Variants in GAN observed in about 807,000 individuals in gnomAD.
The protein encoded by GAN is epididymis secretory sperm binding protein.
GAN carries 48 observed loss-of-function variants against 71.3 expected under a neutral mutation model. The observed-to-expected ratio is 0.67, with a 90% CI of 0.53 to 0.86. The LOEUF (loss-of-function observed/expected upper bound fraction) is 0.86. GAN is among the 40% of genes least tolerant of loss of function. The pLI, the probability that GAN is intolerant of heterozygous loss-of-function variation, is 0.00. For missense variants in GAN, 928 were observed against 770.1 expected, an observed-to-expected ratio of 1.21 and a Z score of -2.43; for synonymous variants, 386 against 276.8, an observed-to-expected ratio of 1.39 and a Z score of -3.92.
chr16:81,370,318 A>AAG (rs1910999122), intron 9 of GAN, among the ~76,000 whole-genome samples: 1 of 152,168 alleles, frequency 6.6e-6, no homozygotes, highest in South Asian at 2.1e-4. Flanking sequence ...TAGAGGATAA[A>AAG]AGATGAACCC....
At chr16:81,358,943 T>A (rs1323379594) in intron 5 of GAN, among the ~76,000 whole-genome samples, 1 of 152,234 alleles carries the variant, frequency 6.6e-6, no homozygotes, top group Admixed American at 6.5e-5. Flanking sequence ...CTTTAAAATT[T>A]TATTTTTTAT....
intron 9 of GAN, 57 bp from the exon 10 acceptor site, chr16:81,377,162 A>G (rs1469995280): frequency 9.9e-7 from 1 of 1,013,384 alleles, no homozygotes; most frequent in African/African-American, 1.6e-5. Context: ...CAGTCTTCCT[A>G]GATGTTGTTG....
At chr16:81,346,182 A>G (rs528520912) in intron 1 of GAN, among the ~76,000 whole-genome samples, 2 of 152,372 alleles carry the variant, frequency 1.3e-5, no homozygotes, top group African/African-American at 4.8e-5. Flanking sequence ...AGAAAATTTA[A>G]TATAAAGAAT....
rs1274598164 is a variant in GAN, at chr16:81,379,735, A to G, written c.*2139A>G. Reference sequence around the variant, plus strand: ...GGGGAACATTAAAACAGTAACTGACATCCAGTTAAAGCCACGATCGTCAGC... The same window carrying G: ...GGGGAACATTAAAACAGTAACTGACGTCCAGTTAAAGCCACGATCGTCAGC... On this transcript the variant is annotated 3_prime_UTR_variant, in exon 11 of 11. Transcript: ENST00000648994. The G allele has an allele frequency of 1.3e-5, 2 of 152,226 alleles. No homozygotes were observed. The highest frequency in any genetic ancestry group is 6.5e-5 in the Admixed American group (1 of 15,284). The allele number at this position is 152,226 out of a possible 1,614,324, so 9.4% of individuals were successfully genotyped here.
chr16:81,354,407 C>T lies in GAN; in HGVS notation c.285C>T (p.Ile95=), dbSNP rs751690125. The stretch of plus-strand genomic sequence containing the variant: ...AGATAATTATGCTACTTTTTTAGAT[C>T]AGGCTAAATGAAGATACAATCCAAG... ...EILDYIFSGQ[I]RLNEDTIQDV... Residue 95 remains isoleucine (I), a splice_region_variant and synonymous_variant, in exon 3 of 11, where the codon ATC becomes ATT. Transcript: ENST00000648994. 1.9e-6 allele frequency: 3 copies of T among 1,597,288 alleles called. No homozygotes were observed. Among genetic ancestry groups the T allele is most frequent in the African/African-American group, 1.3e-5 (1 of 74,698 alleles).
chr16:81,343,141 C>G (rs1449298777), intron 1 of GAN, among the ~76,000 whole-genome samples: 1 of 152,032 alleles, frequency 6.6e-6, no homozygotes, highest in Non-Finnish European at 1.5e-5. Flanking sequence ...AATTAATAGC[C>G]TACCAACCAA....
intron 9 of GAN, among the ~76,000 whole-genome samples, chr16:81,376,505 G>GTGTGTA (rs1464078639): frequency 7.3e-6 from 1 of 137,914 alleles, no homozygotes; most frequent in African/African-American, 3.0e-5. Context: ...GTGTGTGTGT[G>GTGTGTA]TGTGTATGTG....
At chr16:81,331,172 T>C (rs1447119328) in intron 1 of GAN, among the ~76,000 whole-genome samples, 1 of 152,188 alleles carries the variant, frequency 6.6e-6, no homozygotes, top group Non-Finnish European at 1.5e-5. Context: ...ACCACTGCGC[T>C]CTACCCTGGG....
intron 9 of GAN, among the ~76,000 whole-genome samples, chr16:81,376,656 ATATATG>A (rs1904282189): frequency 1.3e-5 from 2 of 150,606 alleles, no homozygotes; most frequent in Non-Finnish European, 2.9e-5. Flanking sequence ...ATATGTGTGT[ATATATG>A]TGTGTATATA....
intron 5 of GAN, 81 bp downstream of exon 5, chr16:81,358,012 C>G (rs1344654965): frequency 4.2e-6 from 5 of 1,182,552 alleles, no homozygotes; most frequent in African/African-American, 1.5e-5. Flanking sequence ...GACTCAGAGC[C>G]TTTTAAAGAT....
Position 81,354,657 on chromosome 16 carries a change from A to G in GAN, c.535A>G (p.Lys179Glu). ...CTTAGAGCTGAGTCCTCAAAAGCTT[A>G]AAGAAGTGATTTCTCTTGAGAAGTT... ...EFLELSPQKL[K>E]EVISLEKLNV... Residue 179 changes from lysine (K) to glutamate (E), a missense_variant, in exon 3 of 11, where the codon AAA becomes GAA. Coordinates refer to ENST00000648994, the MANE Select transcript of GAN (RefSeq NM_022041.4). The G allele has an allele frequency of 6.2e-7, 1 of 1,613,608 alleles. No homozygotes were observed. Among genetic ancestry groups the G allele is most frequent in the Non-Finnish European group, 8.5e-7 (1 of 1,179,450 alleles).
rs1176139353 is a variant in GAN, at chr16:81,380,860, T to G, written c.*3264T>G. 6.6e-6 allele frequency: 1 copy of G among 152,256 alleles called. No individual in the cohort carries two copies. The highest frequency in any genetic ancestry group is 1.5e-5 in the Non-Finnish European group (1 of 68,040). The allele number at this position is 152,256 out of a possible 1,614,324, so 9.4% of individuals were successfully genotyped here. On this transcript the variant is annotated 3_prime_UTR_variant, in exon 11 of 11. Transcript: ENST00000648994. Reference sequence around the variant, plus strand: ...GTCAGGATTTGGCCTAAGAAATTTCTGAATGCATTGTTTAGCTTAGTACTT... The same window carrying G: ...GTCAGGATTTGGCCTAAGAAATTTCGGAATGCATTGTTTAGCTTAGTACTT...
Position 81,366,658 on chromosome 16 carries a change from A to G in GAN, c.1502+1180A>G, listed in dbSNP as rs181729672. 1.8e-3 allele frequency among the ~76,000 whole-genome samples: 276 copies of G among 152,282 alleles called. 1 individual carries two copies. Among genetic ancestry groups the G allele is most frequent in the African/African-American group, 6.4e-3 (267 of 41,560 alleles). Reference sequence around the variant, plus strand: ...TGTATTTTAAATTTAGGGTATTTGCATAGCCTTTTTTTTCAATTACAGGAA... The same window carrying G: ...TGTATTTTAAATTTAGGGTATTTGCGTAGCCTTTTTTTTCAATTACAGGAA... On this transcript the variant is annotated intron_variant, in intron 9 of 10. Transcript: ENST00000648994.
chr16:81,372,691 G>T (rs1007083030), intron 9 of GAN, among the ~76,000 whole-genome samples: 2 of 152,198 alleles, frequency 1.3e-5, no homozygotes, highest in African/African-American at 2.4e-5. Context: ...AGTCATTCCG[G>T]GGATGAACTA....
At position 81,364,151 on chromosome 16, in the gene GAN, T is replaced by A. The variant is rs78358799; in HGVS notation, c.1236+208T>A. 5.9e-5 allele frequency among the ~76,000 whole-genome samples: 9 copies of A among 152,314 alleles called. No homozygotes were observed. The East Asian group carries it at 1.5e-3, about 26-fold the overall frequency. On this transcript the variant is annotated intron_variant, in intron 7 of 10. Transcript: ENST00000648994. ...AGCGTGTGTGAGAGTTTATCCTGCT[T>A]GTGGGCCCTGTGCAGCACCGCTGTG...
At chr16:81,341,650 G>C (rs1451328102) in intron 1 of GAN, among the ~76,000 whole-genome samples, 1 of 152,122 alleles carries the variant, frequency 6.6e-6, no homozygotes, top group Non-Finnish European at 1.5e-5. Flanking sequence ...ACATGGATAG[G>C]AACAACCGGT....
intron 1 of GAN, among the ~76,000 whole-genome samples, chr16:81,330,945 G>A (rs1296249529): frequency 1.3e-5 from 2 of 152,130 alleles, no homozygotes; most frequent in South Asian, 2.1e-4. Context: ...GGTGGTTCAC[G>A]CCTGTAATCC....
rs1904519318 is a variant in GAN, at chr16:81,390,085, A to T, written c.*12489A>T. 6.6e-6 allele frequency: 1 copy of T among 152,198 alleles called. No individual in the cohort carries two copies. 9.4% of individuals were successfully genotyped at this position (152,198 alleles called of 1,614,324 possible). On this transcript the variant is annotated 3_prime_UTR_variant, in exon 11 of 11. Coordinates refer to ENST00000648994, the MANE Select transcript of GAN (RefSeq NM_022041.4). ...TTCAGTGAAGATTGTATTGTGTGTG[A>T]TATTATCCTATCTTTAATAAAGTCC...
chr16:81,327,006 G>A (rs919534359), intron 1 of GAN, among the ~76,000 whole-genome samples: 3 of 152,216 alleles, frequency 2.0e-5, no homozygotes, highest in Admixed American at 6.5e-5. Context: ...AGCTGAATAC[G>A]TTTGTGGGGT....
Sources: gnomAD v4.1 joint callset for allele counts (sites outside exome capture counted in the v4.1 genomes callset) on GRCh38, gnomAD v4.1.1 for gene constraint, MANE v1.5 for transcripts, NCBI Gene and HGNC (gene_info 2026-07-23, HGNC 2026-07-21) for gene names.